SLC12A2: variants seen among roughly 807,000 people sequenced by gnomAD.
SLC12A2 encodes Na-K-2Cl cotransporter 1.
Under a neutral mutation model 136.3 loss-of-function variants are expected in SLC12A2, and 67 were observed. The ratio of observed to expected loss-of-function variants is 0.49; its 90% CI spans 0.40 to 0.60. The LOEUF (loss-of-function observed/expected upper bound fraction) is 0.60, where lower values mean the gene tolerates loss of function less well. SLC12A2 is among the 20% of genes least tolerant of loss of function. SLC12A2 has a pLI of 0.00. For missense variants in SLC12A2, 1,322 were observed against 1,534.7 expected (o/e 0.86, Z 2.32); for synonymous variants, 619 against 562.9 (o/e 1.10, Z -1.41).
chr5:128,184,877 G>A, intron 26 of SLC12A2, 21 bp downstream of exon 26: 1 of 1,548,650 alleles, frequency 6.5e-7, no homozygotes, highest in Non-Finnish European at 8.9e-7. Flanking sequence ...TCTTTATAAA[G>A]ATTTTCTTGC....
At chr5:128,180,399 G>A (rs974800412) in intron 22 of SLC12A2, among the ~76,000 whole-genome samples, 3 of 152,114 alleles carry the variant, frequency 2.0e-5, no homozygotes, top group African/African-American at 7.2e-5. Flanking sequence ...GAATCATAGT[G>A]TTTAGAAACA....
chr5:128,111,672 G>A (rs1761149021), intron 1 of SLC12A2, among the ~76,000 whole-genome samples: 1 of 151,806 alleles, frequency 6.6e-6, no homozygotes, highest in East Asian at 1.9e-4. Flanking sequence ...GGCTGAGGCA[G>A]GAGAATGGCA....
rs577239151 is a variant in SLC12A2, at chr5:128,109,742, C to T, written c.757-3072C>T. ...GGAGCAATTCACTAGAGTTGGAGTC[C>T]AGGTTTTAGACTAAAAGGATGGGTC... is the stretch of plus-strand genomic sequence containing the variant. On this transcript the variant is annotated intron_variant, in intron 1 of 26. Coordinates refer to ENST00000262461, the MANE Select transcript of SLC12A2 (RefSeq NM_001046.3). The T allele has an allele frequency of 7.3e-6, 8 of 1,090,528 alleles. No individual in the cohort carries two copies. In the South Asian group the frequency reaches 9.9e-5, roughly 14 times the overall value. The allele number at this position is 1,090,528 out of a possible 1,614,324, so 67.6% of individuals were successfully genotyped here.
At chr5:128,167,666 T>G in intron 17 of SLC12A2, 95 bp from the exon 18 acceptor site, 1 of 788,936 alleles carries the variant, frequency 1.3e-6, no homozygotes, top group East Asian at 2.8e-5. Flanking sequence ...AGAGTGTCTA[T>G]AGAAGCTGTC....
chr5:128,171,790 A>T (rs1426518961), intron 19 of SLC12A2, 44 bp downstream of exon 19: 1 of 1,127,596 alleles, frequency 8.9e-7, no homozygotes, highest in Non-Finnish European at 1.3e-6. Context: ...AAAAATATAA[A>T]CTACTTTGTT....
intron 18 of SLC12A2, chr5:128,169,772 A>G (rs1763312454): frequency 6.6e-6 from 1 of 152,114 alleles, no homozygotes; most frequent in Non-Finnish European, 1.5e-5. Flanking sequence ...AAAAAGTGAC[A>G]TTTTTTACAA....
intron 1 of SLC12A2, among the ~76,000 whole-genome samples, chr5:128,099,925 A>AT (rs913954808): frequency 6.6e-6 from 1 of 151,978 alleles, no homozygotes; most frequent in African/African-American, 2.4e-5. Flanking sequence ...TACAGTTATT[A>AT]TTTTTTTTAA....
chr5:128,103,503 GA>G (rs1254238218), intron 1 of SLC12A2, among the ~76,000 whole-genome samples: 1 of 152,170 alleles, frequency 6.6e-6, no homozygotes, highest in Non-Finnish European at 1.5e-5. Context: ...AAAATGACAG[GA>G]AAGGTCTGTG....
intron 7 of SLC12A2, among the ~76,000 whole-genome samples, chr5:128,137,481 T>A (rs1762223859): frequency 6.6e-6 from 1 of 152,232 alleles, no homozygotes; most frequent in Non-Finnish European, 1.5e-5. Context: ...TCTCATTTGT[T>A]ATTCACAAAT....
At chr5:128,113,347 G>T (rs140005949) in intron 2 of SLC12A2, among the ~76,000 whole-genome samples, 1 of 152,114 alleles carries the variant, frequency 6.6e-6, no homozygotes, top group Admixed American at 6.5e-5. Flanking sequence ...ATTATATTTC[G>T]AAGAGAAGCG....
chr5:128,138,963 A>T, intron 9 of SLC12A2, 55 bp downstream of exon 9: 2 of 1,130,038 alleles, frequency 1.8e-6, no homozygotes, highest in Non-Finnish European at 2.6e-6. Context: ...TGTACGTACT[A>T]TAAATACTTA....
At chr5:128,138,292 G>T (rs780947149) in intron 7 of SLC12A2, among the ~76,000 whole-genome samples, 1 of 152,050 alleles carries the variant, frequency 6.6e-6, no homozygotes, top group Non-Finnish European at 1.5e-5. Context: ...AGATTGAGGG[G>T]ATTATCCACA....
intron 15 of SLC12A2, 180 bp from the exon 16 acceptor site, chr5:128,157,873 T>G (rs1314582975): frequency 2.3e-5 from 12 of 521,406 alleles, no homozygotes; most frequent in Admixed American, 3.7e-5. Flanking sequence ...GTTCCAAGAT[T>G]TTGTTTCTGC....
Position 128,112,797 on chromosome 5 carries a change from T to A in SLC12A2, c.757-17T>A. On this transcript the variant is annotated splice_polypyrimidine_tract_variant and intron_variant, in intron 1 of 26. Coordinates refer to ENST00000262461, the MANE Select transcript of SLC12A2 (RefSeq NM_001046.3). ...TTTTAAATGTTAAGCATAATTCATA[T>A]TTCTTTTTATAACCAGGAACCTTTT... The A allele has an allele frequency of 6.3e-7, 1 of 1,580,866 alleles. No homozygotes were observed. The highest frequency in any genetic ancestry group is 8.6e-7 in the Non-Finnish European group (1 of 1,162,866).
At chr5:128,118,385 C>CA (rs1344474250) in intron 4 of SLC12A2, among the ~76,000 whole-genome samples, 1 of 152,160 alleles carries the variant, frequency 6.6e-6, no homozygotes, top group Admixed American at 6.5e-5. Context: ...GAATACTATT[C>CA]AGCCATCAAA....
chr5:128,174,474 C>A, intron 19 of SLC12A2, 67 bp from the exon 20 acceptor site: 1 of 1,197,788 alleles, frequency 8.3e-7, no homozygotes, highest in Non-Finnish European at 1.2e-6. Context: ...AATTACTAAA[C>A]CATAATGCCT....
At position 128,083,999 on chromosome 5, in the gene SLC12A2, G is replaced by C. The variant is rs1017623893; in HGVS notation, c.45G>C (p.Leu15=). ...CGCCCTCCTCCGGCGCCCCGGGACTGGCCGGGGTCGGGGAGACGCCGTCAG... is the reference window on the plus strand; with the variant it reads ...CGCCCTCCTCCGGCGCCCCGGGACTCGCCGGGGTCGGGGAGACGCCGTCAG... ...PTAPSSGAPG[L]AGVGETPSAA... Residue 15 remains leucine, a synonymous_variant, in exon 1 of 27, where the codon CTG becomes CTC. Transcript: ENST00000262461. 1.6e-6 allele frequency: 2 copies of C among 1,252,186 alleles called. No individual in the cohort carries two copies. Among genetic ancestry groups the C allele is most frequent in the Non-Finnish European group, 1.0e-6 (1 of 1,000,580 alleles). 77.6% of individuals were successfully genotyped at this position (1,252,186 alleles called of 1,614,324 possible). A position where few individuals can be genotyped will look rare whatever the true frequency, so the allele number is the denominator to read the frequency against.
At chr5:128,098,068 T>A (rs1173762942) in intron 1 of SLC12A2, among the ~76,000 whole-genome samples, 1 of 152,132 alleles carries the variant, frequency 6.6e-6, no homozygotes, top group Non-Finnish European at 1.5e-5. Flanking sequence ...TAAGATGTTA[T>A]TTTTCTCATT....
chr5:128,149,400 G>A (rs1479571063), intron 12 of SLC12A2, among the ~76,000 whole-genome samples: 1 of 151,580 alleles, frequency 6.6e-6, no homozygotes, highest in Non-Finnish European at 1.5e-5. Context: ...AGAACAAGTG[G>A]GCAATATCTC....
Sources: gnomAD v4.1 joint callset for allele counts (sites outside exome capture counted in the v4.1 genomes callset) on GRCh38, gnomAD v4.1.1 for gene constraint, MANE v1.5 for transcripts, NCBI Gene and HGNC (gene_info 2026-07-23, HGNC 2026-07-21) for gene names.